The following PRKD1 variants were observed in gnomAD, a reference collection of about 807,000 sequenced individuals.
The protein encoded by PRKD1 is protein kinase D1.
In PRKD1, 63 loss-of-function variants were observed where a neutral mutation model predicts 95.9. The observed-to-expected ratio is 0.66, with a 90% confidence interval of 0.54 to 0.81. The LOEUF is 0.81. PRKD1 is among the 30% of genes least tolerant of loss of function. The pLI is 0.00. For synonymous variants in PRKD1, 425 were observed against 423.1 expected (o/e 1.00, Z -0.05); for missense variants, 1,048 against 1,165.3 (o/e 0.90, Z 1.47).
chr14:29,601,945 C>T (rs527794719), intron 13 of PRKD1, among the ~76,000 whole-genome samples: 2 of 152,280 alleles, frequency 1.3e-5, no homozygotes, highest in African/African-American at 4.8e-5. Context: ...TACATGAGTT[C>T]GGCTAGAGTT....
chr14:29,742,451 T>C (rs913488752), intron 1 of PRKD1, among the ~76,000 whole-genome samples: 11 of 152,194 alleles, frequency 7.2e-5, no homozygotes, highest in Non-Finnish European at 1.5e-4. Flanking sequence ...GGGATCTTGA[T>C]TCAGGTTAGT....
At chr14:29,905,467 A>G (rs1894463314) in intron 1 of PRKD1, among the ~76,000 whole-genome samples, 1 of 151,992 alleles carries the variant, frequency 6.6e-6, no homozygotes, top group Admixed American at 6.5e-5. Flanking sequence ...ACTTTAAATA[A>G]CCATTTGCCA....
At chr14:29,684,985 C>A (rs1156591312) in intron 2 of PRKD1, among the ~76,000 whole-genome samples, 1 of 152,162 alleles carries the variant, frequency 6.6e-6, no homozygotes, top group African/African-American at 2.4e-5. Context: ...ATATCTCAAA[C>A]AAAGCTTTAC....
At chr14:29,645,092 C>A (rs1303749218) in intron 4 of PRKD1, among the ~76,000 whole-genome samples, 1 of 152,086 alleles carries the variant, frequency 6.6e-6, no homozygotes, top group Non-Finnish European at 1.5e-5. Context: ...CTCCTTAGAT[C>A]CTCCCCAGCT....
Position 29,578,323 on chromosome 14 carries a change from C to T in PRKD1, c.2472G>A (p.Met824Ile), listed in dbSNP as rs765759559. ...TCTTATCCACACTGTAGCGCTTTCT[C>T]ATTTTTACTTGCAGCAAATTGTTGA... The part of the protein sequence containing the change: ...DLINNLLQVK[M>I]RKRYSVDKTL... The change falls in exon 17 of 18, where the codon ATG (methionine) becomes ATA (isoleucine). Residue 824 changes from methionine (M) to isoleucine (I), a missense_variant. By Grantham distance (10) the Met-to-Ile change is conservative. Coordinates refer to ENST00000331968, the MANE Select transcript of PRKD1 (RefSeq NM_002742.3). 1.2e-6 allele frequency: 2 copies of T among 1,610,792 alleles called. No homozygotes were observed. The highest frequency in any genetic ancestry group is 2.2e-5 in the South Asian group (2 of 90,308).
chr14:29,855,121 A>C (rs1309698450), intron 1 of PRKD1, among the ~76,000 whole-genome samples: 1 of 152,182 alleles, frequency 6.6e-6, no homozygotes, highest in African/African-American at 2.4e-5. Context: ...CTACTGGGGC[A>C]CCACCAAGTG....
At chr14:29,654,082 ATT>A (rs964552365) in intron 4 of PRKD1, among the ~76,000 whole-genome samples, 2 of 149,322 alleles carry the variant, frequency 1.3e-5, no homozygotes, top group Non-Finnish European at 3.0e-5. Flanking sequence ...TTGAATAACT[ATT>A]TTTTTTTTTA....
intron 1 of PRKD1, among the ~76,000 whole-genome samples, chr14:29,889,043 G>A (rs1003868119): frequency 1.3e-5 from 2 of 152,122 alleles, no homozygotes; most frequent in Non-Finnish European, 2.9e-5. Flanking sequence ...TTCATGTTTG[G>A]GTTCTGTTCA....
At chr14:29,804,872 G>A (rs1247520280) in intron 1 of PRKD1, among the ~76,000 whole-genome samples, 2 of 152,030 alleles carry the variant, frequency 1.3e-5, no homozygotes, top group Middle Eastern at 3.4e-3. Context: ...GACATTAATC[G>A]ATAACAATTA....
intron 1 of PRKD1, among the ~76,000 whole-genome samples, chr14:29,728,552 G>A (rs770965987): frequency 2.2e-4 from 33 of 152,060 alleles, no homozygotes; most frequent in Non-Finnish European, 1.0e-4. Context: ...TTTCTGGCTG[G>A]CTTTTTTGGC....
At position 29,632,893 on chromosome 14, in the gene PRKD1, A is replaced by T; in HGVS notation, c.1368T>A (p.Asn456Lys). Residue 456 changes from asparagine (N) to lysine (K), a missense_variant, in exon 9 of 18, where the codon AAT (asparagine) becomes AAA (lysine). Asn to Lys is a moderately conservative substitution (Grantham distance 94). Transcript: ENST00000331968. ...LDSKCITLFQ[N>K]DTGSRYYKEI... ...CCTTGTAGTACCTGCTTCCTGTGTC[A>T]TTCTGAAAGAGGGTAATACATTTGC... The T allele has an allele frequency of 1.9e-6, 3 of 1,613,614 alleles. No individual in the cohort carries two copies. The highest frequency in any genetic ancestry group is 2.5e-6 in the Non-Finnish European group (3 of 1,179,500).
intron 1 of PRKD1, among the ~76,000 whole-genome samples, chr14:29,814,128 A>C (rs1049142304): frequency 2.0e-5 from 3 of 152,218 alleles, no homozygotes; most frequent in Non-Finnish European, 2.9e-5. Context: ...TTACTAGCTA[A>C]ATTCCCTTGC....
chr14:29,703,897 C>T (rs568172963), intron 2 of PRKD1, among the ~76,000 whole-genome samples: 2 of 152,192 alleles, frequency 1.3e-5, no homozygotes, highest in South Asian at 4.2e-4. Context: ...TCTCACAAAC[C>T]CCAAAACACA....
chr14:29,858,128 C>A (rs924040711), intron 1 of PRKD1, among the ~76,000 whole-genome samples: 1 of 152,196 alleles, frequency 6.6e-6, no homozygotes, highest in Non-Finnish European at 1.5e-5. Flanking sequence ...ACAATTATTT[C>A]ATTAAACAAA....
At chr14:29,797,366 C>A (rs45615631) in intron 1 of PRKD1, among the ~76,000 whole-genome samples, 197 of 152,202 alleles carry the variant, frequency 1.3e-3, no homozygotes, top group African/African-American at 4.3e-3. Context: ...TAAAACAGAG[C>A]AATAGTAATT....
intron 1 of PRKD1, among the ~76,000 whole-genome samples, chr14:29,875,518 T>A (rs1893255626): frequency 6.6e-6 from 1 of 152,244 alleles, no homozygotes; most frequent in South Asian, 2.1e-4. Flanking sequence ...GTTGGCATAA[T>A]ATTGTTTGTG....
chr14:29,582,757 C>T (rs965094393), intron 16 of PRKD1, among the ~76,000 whole-genome samples: 1 of 152,062 alleles, frequency 6.6e-6, no homozygotes, highest in African/African-American at 2.4e-5. Flanking sequence ...AAAAAGAGCC[C>T]AACTGGGGTC....
chr14:29,653,991 C>G (rs1055312394), intron 4 of PRKD1, among the ~76,000 whole-genome samples: 1 of 151,900 alleles, frequency 6.6e-6, no homozygotes, highest in African/African-American at 2.4e-5. Flanking sequence ...TTGACAACAC[C>G]TGTTGTTGGG....
intron 1 of PRKD1, among the ~76,000 whole-genome samples, chr14:29,837,725 G>T (rs1891665502): frequency 6.6e-6 from 1 of 152,124 alleles, no homozygotes; most frequent in Non-Finnish European, 1.5e-5. Context: ...TAATTCATGT[G>T]AGTAATCATA....
Sources: allele counts gnomAD v4.1 joint callset (sites outside exome capture counted in the v4.1 genomes callset), GRCh38; gene constraint gnomAD v4.1.1; transcripts MANE v1.5; gene names NCBI Gene and HGNC (gene_info 2026-07-23, HGNC 2026-07-21).